The following PDE1C variants were observed in gnomAD, a reference collection of about 807,000 sequenced individuals.
PDE1C encodes the protein phosphodiesterase 1C, also known as dual specificity calcium/calmodulin-dependent 3',5'-cyclic nucleotide phosphodiesterase 1C.
Under a neutral mutation model 93.1 loss-of-function variants are expected in PDE1C, and 62 were observed. That is an observed-to-expected ratio of 0.67 (90% confidence interval 0.54 to 0.82). The LOEUF (loss-of-function observed/expected upper bound fraction) is 0.82. Among genes scored for constraint, PDE1C ranks in the 40% least tolerant of loss-of-function variants. PDE1C has a pLI of 0.00. For missense variants in PDE1C, 742 were observed against 884.6 expected (o/e 0.84, Z 2.04); for synonymous variants, 325 against 310.1 (o/e 1.05, Z -0.50).
intron 2 of PDE1C, among the ~76,000 whole-genome samples, chr7:32,207,508 T>C (rs942977117): frequency 3.3e-5 from 5 of 152,182 alleles, no homozygotes; most frequent in East Asian, 1.9e-4. Flanking sequence ...TTTTTTGCCT[T>C]CCTAAAAGTC....
intron 2 of PDE1C, among the ~76,000 whole-genome samples, chr7:32,008,369 T>C (rs1786553393): frequency 6.6e-6 from 1 of 152,214 alleles, no homozygotes; most frequent in Admixed American, 6.5e-5. Context: ...TCAAGGTTTC[T>C]AGGTTAGGCA....
At chr7:32,368,666 G>A (rs1224365021) in intron 1 of PDE1C, among the ~76,000 whole-genome samples, 1 of 151,976 alleles carries the variant, frequency 6.6e-6, no homozygotes, top group Admixed American at 6.6e-5. Context: ...CTTAAAATTT[G>A]TATGGAATCA....
In PDE1C at chr7:32,204,838, C is replaced by G. The variant is rs1214028917; in HGVS notation, c.136+4651G>C. On this transcript the variant is annotated intron_variant, in intron 2 of 18. Transcript: ENST00000396193. Reference sequence around the variant, plus strand: ...CCCCGTTCTGACTCTCCCAGCTCCTCCTACCAATTGCTAGCATTTCCTTCC... The same window carrying G: ...CCCCGTTCTGACTCTCCCAGCTCCTGCTACCAATTGCTAGCATTTCCTTCC... Among the ~76,000 whole-genome samples, 5 of 152,334 alleles carry G rather than the reference C, an allele frequency of 3.3e-5. No individual in the cohort carries two copies. The East Asian group carries it at 9.6e-4, about 29-fold the overall frequency.
chr7:31,809,190 G>A (rs1787246806), intron 15 of PDE1C, 82 bp from the exon 16 acceptor site: 1 of 755,058 alleles, frequency 1.3e-6, no homozygotes, highest in African/African-American at 1.7e-5. Flanking sequence ...GCCAAGTTTT[G>A]AAAAAGTGCA....
At chr7:31,983,632 T>C (rs1000668680) in intron 2 of PDE1C, among the ~76,000 whole-genome samples, 8 of 152,120 alleles carry the variant, frequency 5.3e-5, no homozygotes, top group Non-Finnish European at 1.2e-4. Flanking sequence ...AATAATAATT[T>C]TTTTTAAAAA....
At chr7:32,123,212 A>G (rs990307760) in intron 3 of PDE1C, among the ~76,000 whole-genome samples, 1 of 152,160 alleles carries the variant, frequency 6.6e-6, no homozygotes, top group Non-Finnish European at 1.5e-5. Flanking sequence ...AAATTGAGGG[A>G]GTCATTAATA....
the PDE1C span, among the ~76,000 whole-genome samples, chr7:31,664,296 G>C: frequency 1.3e-5 from 2 of 149,648 alleles, no homozygotes; most frequent in Admixed American, 1.3e-4. Context: ...CTTACGCACA[G>C]AGCCAGTTGA....
At chr7:32,156,205 T>C (rs1801567528) in intron 3 of PDE1C, among the ~76,000 whole-genome samples, 1 of 152,196 alleles carries the variant, frequency 6.6e-6, no homozygotes, top group Non-Finnish European at 1.5e-5. Flanking sequence ...TGTGCCATGG[T>C]GGTTTGCTGC....
chr7:32,199,592 G>A (rs576074669), intron 2 of PDE1C, among the ~76,000 whole-genome samples: 3 of 152,074 alleles, frequency 2.0e-5, no homozygotes, highest in Non-Finnish European at 4.4e-5. Context: ...GTTTTGTTTT[G>A]TTGGGGTTTT....
chr7:31,781,933 C>A (rs867249931), intron 16 of PDE1C, among the ~76,000 whole-genome samples: 1 of 151,990 alleles, frequency 6.6e-6, no homozygotes. Flanking sequence ...TTTGAATGTG[C>A]TTTGAACTTG....
At chr7:31,620,671 AGAAAAACTG>A in the PDE1C span, among the ~76,000 whole-genome samples, 1 of 151,562 alleles carries the variant, frequency 6.6e-6, no homozygotes, top group Non-Finnish European at 1.5e-5. Context: ...AAAACAGAAC[AGAAAAACTG>A]GAAACTCTAA....
intron 1 of PDE1C, among the ~76,000 whole-genome samples, chr7:32,418,434 G>A (rs1448389011): frequency 6.6e-6 from 1 of 152,114 alleles, no homozygotes; most frequent in Non-Finnish European, 1.5e-5. Flanking sequence ...AGTATGCCTG[G>A]CACAGGGTAA....
chr7:32,266,750 G>C (rs1018198207), intron 1 of PDE1C, among the ~76,000 whole-genome samples: 1 of 152,130 alleles, frequency 6.6e-6, no homozygotes, highest in Non-Finnish European at 1.5e-5. Flanking sequence ...AGCTGGAGCT[G>C]GCGGTGAGGA....
Position 32,258,396 on chromosome 7 carries a change from A to G in PDE1C, c.85+40255T>C, listed in dbSNP as rs372096237. 1.2e-3 allele frequency among the ~76,000 whole-genome samples: 179 copies of G among 152,366 alleles called. 10 individuals carry two copies. In the South Asian group the frequency reaches 0.036, roughly 31 times the overall value. ...AATATTGGCGTTGACTATTACTTGCATCTTCCATACAGGAAAAAGACAATG... is the reference window on the plus strand; with the variant it reads ...AATATTGGCGTTGACTATTACTTGCGTCTTCCATACAGGAAAAAGACAATG... On this transcript the variant is annotated intron_variant, in intron 1 of 18. Transcript: ENST00000396193.
intron 17 of PDE1C, among the ~76,000 whole-genome samples, chr7:31,764,082 A>C (rs983961222): frequency 6.6e-6 from 1 of 151,822 alleles, no homozygotes; most frequent in Admixed American, 6.6e-5. Context: ...TAAGCAAAGG[A>C]AAAATGGCTA....
chr7:31,925,575 C>A (rs1454412846), intron 2 of PDE1C, among the ~76,000 whole-genome samples: 5 of 152,138 alleles, frequency 3.3e-5, no homozygotes, highest in South Asian at 2.1e-4. Context: ...ACATCGAAAT[C>A]TTTTGGTGCT....
At chr7:32,090,190 A>T (rs1205115580) in intron 3 of PDE1C, among the ~76,000 whole-genome samples, 1 of 152,212 alleles carries the variant, frequency 6.6e-6, no homozygotes, top group African/African-American at 2.4e-5. Flanking sequence ...AAATAAAAAA[A>T]TAGTAAAATA....
chr7:32,143,791 A>C (rs1370759959), intron 3 of PDE1C, among the ~76,000 whole-genome samples: 1 of 152,144 alleles, frequency 6.6e-6, no homozygotes. Context: ...TATTCACAGA[A>C]GTTGTGCGAA....
At chr7:31,928,564 A>T (rs770233160) in intron 2 of PDE1C, among the ~76,000 whole-genome samples, 1 of 152,224 alleles carries the variant, frequency 6.6e-6, no homozygotes, top group Non-Finnish European at 1.5e-5. Flanking sequence ...AGGGATGCCC[A>T]TCTAACTAAC....
Sources: allele counts gnomAD v4.1 joint callset (sites outside exome capture counted in the v4.1 genomes callset), GRCh38; gene constraint gnomAD v4.1.1; transcripts MANE v1.5; gene names NCBI Gene and HGNC (gene_info 2026-07-23, HGNC 2026-07-21).